AKAP10: variants seen among roughly 807,000 people sequenced by gnomAD.
AKAP10 encodes the protein A-kinase anchoring protein 10.
AKAP10 carries 24 observed loss-of-function variants against 80.8 expected under a neutral mutation model. The observed-to-expected ratio is 0.30, with a 90% CI of 0.22 to 0.42. AKAP10 has a LOEUF of 0.42. Among genes scored for constraint, AKAP10 ranks in the 10% least tolerant of loss-of-function variants. AKAP10 has a pLI of 1.00. For synonymous variants in AKAP10, 291 were observed against 277.7 expected, an observed-to-expected ratio of 1.05 and a Z score of -0.48; for missense variants, 661 against 794.9, an observed-to-expected ratio of 0.83 and a Z score of 2.03.
chr17:19,914,829 C>T (rs1225999526), intron 12 of AKAP10, among the ~76,000 whole-genome samples: 1 of 151,978 alleles, frequency 6.6e-6, no homozygotes, highest in South Asian at 2.1e-4. Context: ...ACTGCAGAGG[C>T]ACTCAAAGTG....
chr17:19,963,981 C>T (rs776751120), intron 2 of AKAP10, among the ~76,000 whole-genome samples: 135 of 152,122 alleles, frequency 8.9e-4, no homozygotes, highest in Non-Finnish European at 1.7e-3. Context: ...AGTATCACCC[C>T]TTTGGCTTCA....
At chr17:19,971,771 A>G (rs187375152) in intron 1 of AKAP10, among the ~76,000 whole-genome samples, 14 of 152,328 alleles carry the variant, frequency 9.2e-5, no homozygotes, top group Middle Eastern at 3.4e-3. Flanking sequence ...ATAAGCAAGA[A>G]TTTCTCTAGG....
chr17:19,977,006 A>G (rs1418085308), intron 1 of AKAP10, among the ~76,000 whole-genome samples: 1 of 152,174 alleles, frequency 6.6e-6, no homozygotes, highest in Non-Finnish European at 1.5e-5. Context: ...AAATGTAAGT[A>G]GTTCGTTTGT....
intron 4 of AKAP10, among the ~76,000 whole-genome samples, chr17:19,949,004 G>A (rs1255687191): frequency 2.6e-5 from 4 of 152,082 alleles, no homozygotes; most frequent in Admixed American, 2.0e-4. Context: ...ATCATGTAAC[G>A]TAAGTCAAAC....
chr17:19,958,537 G>C lies in AKAP10; in HGVS notation c.354C>G (p.Thr118=), dbSNP rs765097718. Residue 118 remains threonine (T), a synonymous_variant, in exon 4 of 15, where the codon ACC becomes ACG. Transcript: ENST00000225737. The part of the protein sequence containing the change: ...RSCLDYQTQE[T]KSSLSKTLEQ... Reference sequence around the variant, plus strand: ...CAAGGGTCTTAGAAAGGCTTGATTTGGTCTCTTGAGTCTGGTAGTCCAGAC... The same window carrying C: ...CAAGGGTCTTAGAAAGGCTTGATTTCGTCTCTTGAGTCTGGTAGTCCAGAC... The C allele has an allele frequency of 1.2e-6, 2 of 1,607,072 alleles. No individual in the cohort carries two copies. Among genetic ancestry groups the C allele is most frequent in the South Asian group, 1.1e-5 (1 of 91,034 alleles).
intron 2 of AKAP10, among the ~76,000 whole-genome samples, chr17:19,966,928 T>A (rs1347148867): frequency 1.3e-5 from 2 of 152,096 alleles, no homozygotes; most frequent in African/African-American, 4.8e-5. Context: ...TTTGAACTAA[T>A]GTGGAATCTA....
chr17:19,923,318 T>A (rs1379497775), intron 11 of AKAP10, among the ~76,000 whole-genome samples: 1 of 152,012 alleles, frequency 6.6e-6, no homozygotes, highest in East Asian at 1.9e-4. Flanking sequence ...GATCAGGTAA[T>A]CCGCCCGTCT....
chr17:19,960,688 G>A (rs1345376365), intron 3 of AKAP10, among the ~76,000 whole-genome samples: 1 of 152,184 alleles, frequency 6.6e-6, no homozygotes, highest in Non-Finnish European at 1.5e-5. Flanking sequence ...GATAAATACA[G>A]AGTGCAACTG....
chr17:19,961,614 T>A (rs1453889141), intron 3 of AKAP10, among the ~76,000 whole-genome samples: 2 of 152,214 alleles, frequency 1.3e-5, no homozygotes, highest in Non-Finnish European at 2.9e-5. Context: ...CATGGATCTT[T>A]TTTTCAACTT....
intron 14 of AKAP10, among the ~76,000 whole-genome samples, 157 bp downstream of exon 14, chr17:19,909,024 T>TTTCATTTAGTTTGTCAATTTTCTAGTTGC: frequency 6.6e-6 from 1 of 152,360 alleles, no homozygotes; most frequent in South Asian, 2.1e-4. Flanking sequence ...CAAACAGTTG[T>TTTCATTTAGTTTGTCAATTTTCTAGTTGC]TTCATTTAGT....
intron 1 of AKAP10, among the ~76,000 whole-genome samples, chr17:19,969,215 G>A (rs549625682): frequency 5.3e-5 from 8 of 152,146 alleles, no homozygotes; most frequent in South Asian, 2.1e-4. Flanking sequence ...GTGTGGTGGC[G>A]GACACCTGTA....
intron 10 of AKAP10, among the ~76,000 whole-genome samples, chr17:19,931,407 T>C (rs1478689931): frequency 2.6e-5 from 4 of 151,588 alleles, no homozygotes; most frequent in African/African-American, 7.3e-5. Flanking sequence ...TTTTTTTTTT[T>C]TGAGACACAG....
chr17:19,934,605 G>A (rs2042973184), intron 9 of AKAP10, among the ~76,000 whole-genome samples: 1 of 152,110 alleles, frequency 6.6e-6, no homozygotes, highest in African/African-American at 2.4e-5. Context: ...CATGTGTCAG[G>A]TACTATGTTA....
At chr17:19,968,490 AC>A in intron 1 of AKAP10, 29 bp from the exon 2 acceptor site, 1 of 1,587,508 alleles carries the variant, frequency 6.3e-7, no homozygotes, top group Non-Finnish European at 8.6e-7. Context: ...ATTATGACCA[AC>A]TTTTGCAGTC....
intron 2 of AKAP10, 136 bp from the exon 3 acceptor site, chr17:19,963,158 C>T (rs2043374209): frequency 1.8e-6 from 1 of 546,294 alleles, no homozygotes; most frequent in Admixed American, 3.9e-5. Flanking sequence ...GCAAAAAATA[C>T]TTAAGAGGAA....
chr17:19,956,675 G>A (rs905017176), intron 4 of AKAP10, among the ~76,000 whole-genome samples: 1 of 152,078 alleles, frequency 6.6e-6, no homozygotes, highest in Admixed American at 6.6e-5. Flanking sequence ...GTACAAGTGT[G>A]TGCCACTTCT....
chr17:19,932,432 G>A (rs772902683), intron 9 of AKAP10, among the ~76,000 whole-genome samples: 1 of 144,648 alleles, frequency 6.9e-6, no homozygotes, highest in Non-Finnish European at 1.5e-5. Context: ...CAGCCTGGAC[G>A]CTGGAGCAAG....
chr17:19,976,117 C>T (rs1197241796), intron 1 of AKAP10, among the ~76,000 whole-genome samples: 2 of 152,188 alleles, frequency 1.3e-5, no homozygotes, highest in Non-Finnish European at 2.9e-5. Flanking sequence ...AGTAGGTTAA[C>T]TGGTCTGCCC....
chr17:19,952,559 A>T (rs548471046), intron 4 of AKAP10, among the ~76,000 whole-genome samples: 1 of 152,148 alleles, frequency 6.6e-6, no homozygotes, highest in Admixed American at 6.5e-5. Context: ...AGAATTATAA[A>T]GGTAGATCAA....
Sources: gnomAD v4.1 joint callset for allele counts (sites outside exome capture counted in the v4.1 genomes callset) on GRCh38, gnomAD v4.1.1 for gene constraint, MANE v1.5 for transcripts, NCBI Gene and HGNC (gene_info 2026-07-23, HGNC 2026-07-21) for gene names.